SAMD15: variants seen among roughly 807,000 people sequenced by gnomAD.
SAMD15 encodes the protein sterile alpha motif domain containing 15.
SAMD15 carries 37 observed loss-of-function variants against 50.5 expected under a neutral mutation model. The observed-to-expected ratio is 0.73, with a 90% CI of 0.56 to 0.96. The LOEUF is 0.96. SAMD15 is among the 40% of genes least tolerant of loss of function. The pLI is 0.00. For synonymous variants in SAMD15, 255 were observed against 282.8 expected (o/e 0.90, Z 0.99); for missense variants, 789 against 783.8 (o/e 1.01, Z -0.08).
At chr14:77,380,582 C>G (rs1893932956) in intron 2 of SAMD15, 101 bp downstream of exon 2, 3 of 719,008 alleles carry the variant, frequency 4.2e-6, no homozygotes, top group Admixed American at 4.3e-5. Flanking sequence ...CCACTTCTGT[C>G]AATGGTGTCA....
At chr14:77,386,161 T>C (rs554907663) in intron 2 of SAMD15, among the ~76,000 whole-genome samples, 1 of 152,132 alleles carries the variant, frequency 6.6e-6, no homozygotes, top group Non-Finnish European at 1.5e-5. Context: ...TGGCCTCTCT[T>C]CCTGGCTTTT....
At chr14:77,381,365 A>G (rs1893941287) in intron 2 of SAMD15, among the ~76,000 whole-genome samples, 1 of 152,174 alleles carries the variant, frequency 6.6e-6, no homozygotes, top group South Asian at 2.1e-4. Flanking sequence ...ACAAAGCATC[A>G]CAAACAATCT....
At chr14:77,384,060 G>A (rs1303503045) in intron 2 of SAMD15, among the ~76,000 whole-genome samples, 1 of 150,000 alleles carries the variant, frequency 6.7e-6, no homozygotes, top group Admixed American at 6.7e-5. Flanking sequence ...TGCTGTAGCT[G>A]TCTTCCTTAC....
In SAMD15 at chr14:77,377,856, AGAG is replaced by A. The variant is rs766836063; in HGVS notation, c.441_443del (p.Glu147del). 136 of 1,614,132 alleles carry A rather than the reference AGAG, an allele frequency of 8.4e-5. 1 individual carries two copies. Among genetic ancestry groups the A allele is most frequent in the Non-Finnish European group, 1.1e-4 (133 of 1,180,052 alleles). On this transcript the variant is annotated inframe_deletion, in exon 1 of 3. Transcript: ENST00000216471. Reference sequence around the variant, plus strand: ...CAGAGGAGGCTAAACCAAATGTTACAGAGGATGTGTTCCTAGAGTCAGCTATGG... The same window carrying A: ...CAGAGGAGGCTAAACCAAATGTTACAGATGTGTTCCTAGAGTCAGCTATGG...
intron 1 of SAMD15, among the ~76,000 whole-genome samples, chr14:77,379,398 T>A (rs1015819395): frequency 5.9e-5 from 9 of 151,958 alleles, no homozygotes; most frequent in African/African-American, 1.9e-4. Context: ...TTCTTTTTTT[T>A]TTTTTGAGAC....
intron 2 of SAMD15, among the ~76,000 whole-genome samples, chr14:77,385,508 C>T (rs561245118): frequency 6.6e-6 from 1 of 151,934 alleles, no homozygotes; most frequent in East Asian, 2.0e-4. Context: ...AGGCTGGTTT[C>T]AAACTCCTGA....
At chr14:77,381,928 G>C (rs909415600) in intron 2 of SAMD15, among the ~76,000 whole-genome samples, 4 of 151,906 alleles carry the variant, frequency 2.6e-5, no homozygotes, top group African/African-American at 9.7e-5. Flanking sequence ...CGTTTTTTCT[G>C]TTTTTTGTCT....
At chr14:77,379,490 A>T (rs1893917687) in intron 1 of SAMD15, among the ~76,000 whole-genome samples, 1 of 151,492 alleles carries the variant, frequency 6.6e-6, no homozygotes, top group Non-Finnish European at 1.5e-5. Context: ...GGTTCACGCC[A>T]TTCTCCTGCC....
At chr14:77,387,936 G>A (rs1219583642) in intron 2 of SAMD15, among the ~76,000 whole-genome samples, 1 of 152,094 alleles carries the variant, frequency 6.6e-6, no homozygotes, top group East Asian at 1.9e-4. Context: ...CCAGCTACTT[G>A]GGAGGCCGAG....
At chr14:77,383,991 A>C (rs1363089829) in intron 2 of SAMD15, among the ~76,000 whole-genome samples, 2 of 151,360 alleles carry the variant, frequency 1.3e-5, no homozygotes, top group Admixed American at 6.6e-5. Context: ...AAAAAAAAAA[A>C]AAAAAAAAAA....
chr14:77,387,133 G>T (rs1894014192), intron 2 of SAMD15, among the ~76,000 whole-genome samples: 1 of 152,040 alleles, frequency 6.6e-6, no homozygotes, highest in African/African-American at 2.4e-5. Context: ...CTTGTTGTTT[G>T]TTCATCAGAA....
Position 77,378,255 on chromosome 14 carries a change from G to A in SAMD15, c.837G>A (p.Glu279=). ...AGTCTAGTGAGGAGGCAGGTCTAGA[G>A]CCTCCAGAAGAGACTCAACCAGAGG... ...PRKSSEEAGL[E]PPEETQPEVP... is the part of the protein sequence containing the mutation. Residue 279 remains glutamate, a synonymous_variant, in exon 1 of 3, where the codon GAG becomes GAA. Coordinates refer to ENST00000216471, the MANE Select transcript of SAMD15 (RefSeq NM_001010860.4). 6.2e-7 allele frequency: 1 copy of A among 1,613,830 alleles called. No individual in the cohort carries two copies. Among genetic ancestry groups the A allele is most frequent in the Admixed American group, 1.7e-5 (1 of 59,926 alleles).
At position 77,380,414 on chromosome 14, in the gene SAMD15, G is replaced by T. The variant is rs974785526; in HGVS notation, c.1721G>T (p.Arg574Leu). Residue 574 changes from arginine to leucine, a missense_variant, in exon 2 of 3, where the codon CGA becomes CTA. Coordinates refer to ENST00000216471, the MANE Select transcript of SAMD15 (RefSeq NM_001010860.4). The stretch of plus-strand genomic sequence containing the variant: ...TTTATCACAAACTTCATCAGTGGCC[G>T]AAAACTCATTCACGTCAACTGCTCA... The part of the protein sequence containing the change: ...ECFITNFISG[R>L]KLIHVNCSNL... The T allele has an allele frequency of 1.9e-6, 3 of 1,613,610 alleles. No homozygotes were observed. The highest frequency in any genetic ancestry group is 4.5e-5 in the East Asian group (2 of 44,870).
Position 77,390,995 on chromosome 14 carries a change from C to T in SAMD15, c.1789-13C>T, listed in dbSNP as rs1250000519. The stretch of plus-strand genomic sequence containing the variant: ...CAGGTTAGTCTAATTAAAAATTTAT[C>T]CTTGCGTTTCAGGCAATTTCTCGGC... On this transcript the variant is annotated splice_polypyrimidine_tract_variant and intron_variant, in intron 2 of 2. Transcript: ENST00000216471. 1.3e-6 allele frequency: 2 copies of T among 1,542,184 alleles called. No individual in the cohort carries two copies. Among genetic ancestry groups the T allele is most frequent in the African/African-American group, 1.4e-5 (1 of 73,008 alleles).
Position 77,391,835 on chromosome 14 carries a change from C to A in SAMD15, c.*591C>A, listed in dbSNP as rs1894077489. 6.6e-6 allele frequency among the ~76,000 whole-genome samples: 1 copy of A among 152,052 alleles called. No homozygotes were observed. Among genetic ancestry groups the A allele is most frequent in the Admixed American group, 6.6e-5 (1 of 15,260 alleles). On this transcript the variant is annotated 3_prime_UTR_variant, in exon 3 of 3. Transcript: ENST00000216471. ...TTGGGTGGCTGAGGCGGGCAGATCA[C>A]CTAAGGTCAGGATTTCAAGACCAGC...
Sources: allele counts gnomAD v4.1 joint callset (sites outside exome capture counted in the v4.1 genomes callset), GRCh38; gene constraint gnomAD v4.1.1; transcripts MANE v1.5; gene names NCBI Gene and HGNC (gene_info 2026-07-23, HGNC 2026-07-21).